COL5A1: variants seen among roughly 807,000 people sequenced by gnomAD.
The protein encoded by COL5A1 is collagen alpha-1(V) chain.
COL5A1 carries 16 observed loss-of-function variants against 263.7 expected under a neutral mutation model. The ratio of observed to expected loss-of-function variants is 0.06; its 90% CI spans 0.04 to 0.09. The LOEUF (loss-of-function observed/expected upper bound fraction) is 0.09, where lower values mean the gene tolerates loss of function less well. Among genes scored for constraint, COL5A1 ranks in the 10% least tolerant of loss-of-function variants. The pLI is 1.00. For synonymous variants in COL5A1, 1,012 were observed against 1,004.5 expected (o/e 1.01, Z -0.14); for missense variants, 2,036 against 2,540.5 (o/e 0.80, Z 4.27).
chr9:134,730,005 G>A (rs1008244866), intron 6 of COL5A1, among the ~76,000 whole-genome samples: 6 of 152,202 alleles, frequency 3.9e-5, no homozygotes, highest in Non-Finnish European at 5.9e-5. Flanking sequence ...TTCTGAGCAC[G>A]CTTAGTAACT....
chr9:134,818,708 A>G lies in COL5A1; in HGVS notation c.4283A>G (p.Gln1428Arg). 1 of 1,609,788 alleles carries G rather than the reference A, an allele frequency of 6.2e-7. No individual in the cohort carries two copies. The highest frequency in any genetic ancestry group is 8.5e-7 in the Non-Finnish European group (1 of 1,178,668). The stretch of plus-strand genomic sequence containing the variant: ...GGGAAGACTGGCCCCATCGGCCCCC[A>G]GGGGGCCCCTGGGAAGCCCGGACCG... ...PPGKTGPIGP[Q>R]GAPGKPGPDG... Residue 1428 changes from glutamine (Q) to arginine (R), a missense_variant, in exon 55 of 66, where the codon CAG (glutamine) becomes CGG (arginine). By Grantham distance (43) the Gln-to-Arg change is conservative. This residue lies in a region of COL5A1 where 1,078 missense variants were observed against 1,521.4 expected (regional missense o/e 0.71). Coordinates refer to ENST00000371817, the MANE Select transcript of COL5A1 (RefSeq NM_000093.5). The surrounding 1 kb of genome is among the most constrained non-coding windows in gnomAD (Gnocchi z 6.0).
chr9:134,726,855 G>A (rs1834675080), intron 4 of COL5A1, among the ~76,000 whole-genome samples: 1 of 148,828 alleles, frequency 6.7e-6, no homozygotes, highest in African/African-American at 2.5e-5. Flanking sequence ...TGGATAGATG[G>A]TTTATGGATG....
chr9:134,727,408 T>C lies in COL5A1; in HGVS notation c.786+11T>C, dbSNP rs766319028. 2 of 1,613,874 alleles carry C rather than the reference T, an allele frequency of 1.2e-6. No individual in the cohort carries two copies. The highest frequency in any genetic ancestry group is 4.5e-5 in the East Asian group (2 of 44,884). On this transcript the variant is annotated intron_variant, in intron 5 of 65. Coordinates refer to ENST00000371817, the MANE Select transcript of COL5A1 (RefSeq NM_000093.5). ...AATCCAGATGAATATGTGAGTTAACTCTGGCTGGGATCTTGGGGAGCATGA... is the reference window on the plus strand; with the variant it reads ...AATCCAGATGAATATGTGAGTTAACCCTGGCTGGGATCTTGGGGAGCATGA...
At chr9:134,764,704 G>A (rs1564444459) in intron 20 of COL5A1, among the ~76,000 whole-genome samples, 1 of 152,130 alleles carries the variant, frequency 6.6e-6, no homozygotes, top group Non-Finnish European at 1.5e-5. Context: ...GCATAGAGGA[G>A]GCAGGGGTCG....
At chr9:134,826,114 T>G (rs1245158457) in intron 63 of COL5A1, among the ~76,000 whole-genome samples, 1 of 152,110 alleles carries the variant, frequency 6.6e-6, no homozygotes, top group African/African-American at 2.4e-5. Context: ...CAGCCCGGGG[T>G]CAGGAAGGGT....
In COL5A1 at chr9:134,745,836, G is replaced by A. The variant is rs149744366; in HGVS notation, c.1495-4706G>A. Among the ~76,000 whole-genome samples the A allele has an allele frequency of 7.9e-5, 12 of 152,270 alleles. No homozygotes were observed. In the East Asian group the frequency reaches 2.1e-3, roughly 27 times the overall value. ...GCCGCACCCCCTCTGGAGGCTCCAG[G>A]TGAGGGTCTTCCTCACCTCTTCTGG... On this transcript the variant is annotated intron_variant, in intron 11 of 65. Coordinates refer to ENST00000371817, the MANE Select transcript of COL5A1 (RefSeq NM_000093.5).
rs549959911 is a variant in COL5A1, at chr9:134,811,411, T to C, written c.3582+19T>C. 2 of 1,613,488 alleles carry C rather than the reference T, an allele frequency of 1.2e-6. No individual in the cohort carries two copies. Among genetic ancestry groups the C allele is most frequent in the Admixed American group, 1.7e-5 (1 of 59,996 alleles). Reference sequence around the variant, plus strand: ...CCCCTCTGTGAGTATCCATGGTCAATGACCTTCGAAAAGCCCCACGCCCCC... The same window carrying C: ...CCCCTCTGTGAGTATCCATGGTCAACGACCTTCGAAAAGCCCCACGCCCCC... On this transcript the variant is annotated intron_variant, in intron 45 of 65. Transcript: ENST00000371817.
chr9:134,769,810 C>T (rs1185468164), intron 25 of COL5A1, among the ~76,000 whole-genome samples: 1 of 150,390 alleles, frequency 6.6e-6, no homozygotes, highest in Non-Finnish European at 1.5e-5. Context: ...AAGGTGGCTG[C>T]ACCCCTCTTT....
At chr9:134,714,666 TA>T (rs1834192089) in intron 4 of COL5A1, among the ~76,000 whole-genome samples, 1 of 58,410 alleles carries the variant, frequency 1.7e-5, no homozygotes. Context: ...GAGGCGATGA[TA>T]GTGGTGGTGG....
intron 1 of COL5A1, among the ~76,000 whole-genome samples, chr9:134,685,292 A>AT (rs140995492): frequency 3.6e-4 from 24 of 65,982 alleles, no homozygotes; most frequent in Middle Eastern, 0.019. Flanking sequence ...CCATCCATCC[A>AT]CCATCCATCC....
Position 134,686,982 on chromosome 9 carries a change from G to A in COL5A1, c.110-3930G>A, listed in dbSNP as rs575330582. ...AGGGAGTCAGGTGGATACAGTCTCC[G>A]GGAGACCCGGCGTGGTGGGGTCAGG... On this transcript the variant is annotated intron_variant, in intron 1 of 65. Coordinates refer to ENST00000371817, the MANE Select transcript of COL5A1 (RefSeq NM_000093.5). The surrounding 1 kb of genome is among the most constrained non-coding windows in gnomAD (Gnocchi z 4.6). 2.6e-5 allele frequency among the ~76,000 whole-genome samples: 4 copies of A among 152,156 alleles called. No individual in the cohort carries two copies. Among genetic ancestry groups the A allele is most frequent in the Non-Finnish European group, 5.9e-5 (4 of 68,016 alleles).
intron 4 of COL5A1, among the ~76,000 whole-genome samples, chr9:134,710,220 G>T (rs1278622046): frequency 2.0e-5 from 3 of 152,246 alleles, no homozygotes; most frequent in African/African-American, 7.2e-5. Flanking sequence ...CTCACTCAGC[G>T]TGGTGGCAGG....
At chr9:134,833,085 CT>C (rs1839709538) in intron 64 of COL5A1, among the ~76,000 whole-genome samples, 2 of 152,230 alleles carry the variant, frequency 1.3e-5, no homozygotes, top group Admixed American at 6.5e-5. Flanking sequence ...TGGCTTTAGC[CT>C]GCTTCATTCC....
Position 134,810,228 on chromosome 9 carries a change from A to G in COL5A1, c.3475-27A>G, listed in dbSNP as rs752245464. On this transcript the variant is annotated intron_variant, in intron 43 of 65. Transcript: ENST00000371817. ...GGTCCAAACGGTTGTCAAGCTTTCT[A>G]ACCGAATCCCCCACACCTTCCCCTA... The G allele has an allele frequency of 1.3e-5, 21 of 1,613,564 alleles. 1 individual carries two copies. In the Admixed American group the frequency reaches 3.3e-4, roughly 26 times the overall value.
At chr9:134,792,909 G>A (rs1158614002) in intron 32 of COL5A1, among the ~76,000 whole-genome samples, 7 of 31,490 alleles carry the variant, frequency 2.2e-4, no homozygotes, top group Admixed American at 7.2e-4. Flanking sequence ...GTGTGCACGC[G>A]CGTGTGTGTG....
Position 134,794,501 on chromosome 9 carries a change from A to C in COL5A1, c.2701-581A>C, listed in dbSNP as rs1244730487. On this transcript the variant is annotated intron_variant, in intron 32 of 65. Transcript: ENST00000371817. This position sits in a 1 kb window ranked among gnomAD's most constrained non-coding sequence, Gnocchi z 4.3. ...GCATTTGTTTTCTGTGGTTTGGAAAATGCAAAACAACAACAGAAAAAAGAG... is the reference window on the plus strand; with the variant it reads ...GCATTTGTTTTCTGTGGTTTGGAAACTGCAAAACAACAACAGAAAAAAGAG... Among the ~76,000 whole-genome samples the C allele has an allele frequency of 6.6e-6, 1 of 151,688 alleles. No homozygotes were observed. The highest frequency in any genetic ancestry group is 2.4e-5 in the African/African-American group (1 of 40,972).
rs1317254139 is a variant in COL5A1 at position 134,835,226 on chromosome 9, C to T, written c.5370+22C>T. 4 of 1,601,624 alleles carry T rather than the reference C, an allele frequency of 2.5e-6. No individual in the cohort carries two copies. In the East Asian group the frequency reaches 6.7e-5, roughly 27 times the overall value. On this transcript the variant is annotated intron_variant, in intron 65 of 65. Coordinates refer to ENST00000371817, the MANE Select transcript of COL5A1 (RefSeq NM_000093.5). ...TGCTGTGAGTATCCCGCGCCGCGCC[C>T]AGCACCCCTGCTCACGCCTCCGTGG...
intron 1 of COL5A1, among the ~76,000 whole-genome samples, chr9:134,688,938 G>A (rs1407076571): frequency 6.6e-6 from 1 of 152,122 alleles, no homozygotes; most frequent in Non-Finnish European, 1.5e-5. Flanking sequence ...TCAGAGCCCT[G>A]CCCAGGCTGC....
At chr9:134,806,385 C>T (rs1045170498) in intron 42 of COL5A1, 89 bp downstream of exon 42, 19 of 911,268 alleles carry the variant, frequency 2.1e-5, no homozygotes, top group African/African-American at 1.3e-4. Flanking sequence ...CTGTGATGTC[C>T]CCAGGGGTAT....
Sources: gnomAD v4.1 joint callset for allele counts (sites outside exome capture counted in the v4.1 genomes callset) on GRCh38, gnomAD v4.1.1 for gene constraint, gnomAD v4.1.1 regional missense constraint, Gnocchi (gnomAD v3.1) non-coding constraint, MANE v1.5 for transcripts, NCBI Gene and HGNC (gene_info 2026-07-23, HGNC 2026-07-21) for gene names.